HMBOX1: variants seen among roughly 807,000 people sequenced by gnomAD.
HMBOX1 encodes the protein homeobox containing 1.
Under a neutral mutation model 54.5 loss-of-function variants are expected in HMBOX1, and 14 were observed. The observed-to-expected ratio is 0.26, with a 90% CI of 0.17 to 0.40. HMBOX1 has a LOEUF of 0.40. HMBOX1 is among the 10% of genes least tolerant of loss of function. The pLI, the probability that HMBOX1 is intolerant of heterozygous loss-of-function variation, is 1.00. For missense variants in HMBOX1, 332 were observed against 514.4 expected (o/e 0.65, Z 3.43); for synonymous variants, 160 against 181.0 (o/e 0.88, Z 0.93).
intron 4 of HMBOX1, among the ~76,000 whole-genome samples, chr8:28,980,475 C>T (rs548828358): frequency 2.6e-5 from 4 of 152,232 alleles, no homozygotes; most frequent in Non-Finnish European, 4.4e-5. Context: ...GCTTTCTATA[C>T]TACATATTTT....
intron 1 of HMBOX1, among the ~76,000 whole-genome samples, chr8:28,953,977 G>C (rs1823967620): frequency 6.6e-6 from 1 of 152,146 alleles, no homozygotes; most frequent in Non-Finnish European, 1.5e-5. Flanking sequence ...TTTATCTTTG[G>C]TCAGTAGCAC....
At chr8:28,959,881 C>T (rs565466777) in intron 1 of HMBOX1, among the ~76,000 whole-genome samples, 4 of 152,098 alleles carry the variant, frequency 2.6e-5, no homozygotes, top group Non-Finnish European at 4.4e-5. Context: ...TTCTGTTTTA[C>T]TGGGAAATCG....
At chr8:29,001,193 A>G (rs1832584917) in intron 4 of HMBOX1, among the ~76,000 whole-genome samples, 1 of 152,214 alleles carries the variant, frequency 6.6e-6, no homozygotes, top group Non-Finnish European at 1.5e-5. Context: ...ATACAGCACC[A>G]ATTAGCCTGT....
chr8:29,051,715 T>G lies in HMBOX1; in HGVS notation c.*560T>G. On this transcript the variant is annotated 3_prime_UTR_variant, in exon 10 of 10. Coordinates refer to ENST00000287701, the MANE Select transcript of HMBOX1 (RefSeq NM_001135726.3). ...CATTATAGCCACACTGTGGCTAGAT[T>G]ATACTTCTTTGGGTGCTGTGCTAAG... is the stretch of plus-strand genomic sequence containing the variant. 1 of 676,920 alleles carries G rather than the reference T, an allele frequency of 1.5e-6. No homozygotes were observed. The highest frequency in any genetic ancestry group is 2.7e-5 in the East Asian group (1 of 36,658). 41.9% of individuals were successfully genotyped at this position (676,920 alleles called of 1,614,324 possible). A position where few individuals can be genotyped will look rare whatever the true frequency, so the allele number is the denominator to read the frequency against.
chr8:29,043,338 G>C (rs1481990574), intron 6 of HMBOX1, among the ~76,000 whole-genome samples: 2 of 152,178 alleles, frequency 1.3e-5, no homozygotes, highest in African/African-American at 4.8e-5. Flanking sequence ...GCATTCTCTA[G>C]ACCTAACTCA....
At chr8:28,988,427 A>G (rs1830467902) in intron 4 of HMBOX1, among the ~76,000 whole-genome samples, 1 of 152,174 alleles carries the variant, frequency 6.6e-6, no homozygotes, top group Non-Finnish European at 1.5e-5. Context: ...ATATGTTTTC[A>G]TTTCCTTTGG....
chr8:28,922,022 G>A (rs1000369662), intron 1 of HMBOX1, among the ~76,000 whole-genome samples: 11 of 152,142 alleles, frequency 7.2e-5, no homozygotes, highest in African/African-American at 2.7e-4. Context: ...AAAGCTACAG[G>A]GAGGAGGCCA....
At chr8:28,920,860 T>C (rs1817433496) in intron 1 of HMBOX1, among the ~76,000 whole-genome samples, 1 of 152,146 alleles carries the variant, frequency 6.6e-6, no homozygotes. Context: ...TAAGTAGAGA[T>C]TTATGTTATT....
chr8:28,902,850 A>T (rs1283828272), intron 1 of HMBOX1, among the ~76,000 whole-genome samples: 1 of 152,198 alleles, frequency 6.6e-6, no homozygotes. Flanking sequence ...CTCAAAGAGC[A>T]TGTATGATGG....
intron 7 of HMBOX1, among the ~76,000 whole-genome samples, chr8:29,047,146 AGTT>A (rs1460278819): frequency 2.0e-5 from 3 of 152,202 alleles, no homozygotes; most frequent in African/African-American, 7.2e-5. Context: ...TTGTGTTACT[AGTT>A]GTTGTTTTTG....
Position 29,047,365 on chromosome 8 carries a change from G to A in HMBOX1, c.942G>A (p.Lys314=). 6.3e-7 allele frequency: 1 copy of A among 1,598,920 alleles called. No homozygotes were observed. Among genetic ancestry groups the A allele is most frequent in the Non-Finnish European group, 8.6e-7 (1 of 1,166,378 alleles). Residue 314 remains lysine (K), a synonymous_variant, in exon 8 of 10, where the codon AAG becomes AAA. Transcript: ENST00000287701. ...CNAVIQKPGK[K]LSDLERVTSL... is the part of the protein sequence containing the mutation. Reference sequence around the variant, plus strand: ...TATTGCATGTATTCACAGGCAAAAAGCTGTCAGATCTGGAAAGAGTTACCT... The same window carrying A: ...TATTGCATGTATTCACAGGCAAAAAACTGTCAGATCTGGAAAGAGTTACCT...
intron 1 of HMBOX1, among the ~76,000 whole-genome samples, chr8:28,899,281 A>G (rs1428133503): frequency 6.6e-6 from 1 of 152,212 alleles, no homozygotes; most frequent in East Asian, 1.9e-4. Context: ...CAGGATCCTC[A>G]TTGCTGCTAT....
chr8:29,032,391 A>G (rs182689721), intron 6 of HMBOX1, among the ~76,000 whole-genome samples: 4 of 152,168 alleles, frequency 2.6e-5, no homozygotes, highest in Non-Finnish European at 1.5e-5. Flanking sequence ...CCTAAGTAAG[A>G]TTCTCCTTTC....
At chr8:29,005,475 C>A (rs943198091) in intron 4 of HMBOX1, among the ~76,000 whole-genome samples, 1 of 152,122 alleles carries the variant, frequency 6.6e-6, no homozygotes, top group Non-Finnish European at 1.5e-5. Flanking sequence ...AAAAATATAT[C>A]TTTTCATTTA....
Position 28,923,272 on chromosome 8 carries a change from G to A in HMBOX1, c.-58+32594G>A, listed in dbSNP as rs187147599. ...GGACATTTCATATAAACAGAATCAC[G>A]CAGTATACTACTATTTGGATCTGGC... is the stretch of plus-strand genomic sequence containing the variant. On this transcript the variant is annotated intron_variant, in intron 1 of 9. Coordinates refer to ENST00000287701, the MANE Select transcript of HMBOX1 (RefSeq NM_001135726.3). 3.0e-3 allele frequency among the ~76,000 whole-genome samples: 456 copies of A among 152,232 alleles called. 1 individual carries two copies. Among genetic ancestry groups the A allele is most frequent in the African/African-American group, 0.01 (431 of 41,546 alleles).
At chr8:28,965,313 C>T (rs1201780879) in intron 2 of HMBOX1, among the ~76,000 whole-genome samples, 1 of 152,196 alleles carries the variant, frequency 6.6e-6, no homozygotes, top group Non-Finnish European at 1.5e-5. Flanking sequence ...ATTTTTGTCA[C>T]ATATGGTAGA....
At position 28,929,203 on chromosome 8, in the gene HMBOX1, G is replaced by A. The variant is rs111292849; in HGVS notation, c.-57-34608G>A. 2.8e-3 allele frequency among the ~76,000 whole-genome samples: 419 copies of A among 152,238 alleles called. 4 individuals carry two copies. The highest frequency in any genetic ancestry group is 9.2e-3 in the African/African-American group (384 of 41,544). ...GGTACAAAATGAGTATGAAAGGGTG[G>A]GATGGGGTCAGATTACCCATGGCTT... On this transcript the variant is annotated intron_variant, in intron 1 of 9. Transcript: ENST00000287701.
intron 1 of HMBOX1, among the ~76,000 whole-genome samples, chr8:28,940,297 C>T (rs936787377): frequency 3.3e-5 from 5 of 152,156 alleles, no homozygotes; most frequent in South Asian, 2.1e-4. Flanking sequence ...ATGAGCCCAC[C>T]GCACCTGGCC....
intron 1 of HMBOX1, among the ~76,000 whole-genome samples, chr8:28,894,533 GAA>G (rs1811693074): frequency 1.3e-5 from 2 of 152,140 alleles, no homozygotes; most frequent in Admixed American, 6.5e-5. Context: ...TATTGATATT[GAA>G]AGTTTTCTCA....
Sources: gnomAD v4.1 joint callset for allele counts (sites outside exome capture counted in the v4.1 genomes callset) on GRCh38, gnomAD v4.1.1 for gene constraint, MANE v1.5 for transcripts, NCBI Gene and HGNC (gene_info 2026-07-23, HGNC 2026-07-21) for gene names.